The following MGAT4C variants were observed in gnomAD, a reference collection of about 807,000 sequenced individuals.
The protein encoded by MGAT4C is alpha-1,3-mannosyl-glycoprotein 4-beta-N-acetylglucosaminyltransferase C.
MGAT4C carries 19 observed loss-of-function variants against 40.1 expected under a neutral mutation model. That is an observed-to-expected ratio of 0.47 (90% CI 0.33 to 0.70). The LOEUF (loss-of-function observed/expected upper bound fraction) is 0.70. MGAT4C is among the 30% of genes least tolerant of loss of function. MGAT4C has a pLI of 0.02. For synonymous variants in MGAT4C, 181 were observed against 187.1 expected, an observed-to-expected ratio of 0.97 and a Z score of 0.27; for missense variants, 491 against 563.2, an observed-to-expected ratio of 0.87 and a Z score of 1.30.
chr12:86,438,142 A>G lies in MGAT4C; in HGVS notation c.-228-2877T>C, dbSNP rs141525619. ...TGAATGCACAGGAAAAGTTCTTAAA[A>G]GTGCTAGTCCAGTGAAAACATGAAT... On this transcript the variant is annotated intron_variant, in intron 2 of 7. Transcript: ENST00000548651. Among the ~76,000 whole-genome samples, 34 of 152,134 alleles carry G rather than the reference A, an allele frequency of 2.2e-4. No homozygotes were observed. The East Asian group carries it at 6.4e-3, about 28-fold the overall frequency.
chr12:86,571,687 G>A (rs1469050185), intron 2 of MGAT4C, among the ~76,000 whole-genome samples: 1 of 152,040 alleles, frequency 6.6e-6, no homozygotes, highest in Non-Finnish European at 1.5e-5. Flanking sequence ...TAGATTATAA[G>A]CTTTAATCCT....
chr12:86,257,752 T>C (rs1430034327), upstream of MGAT4C, among the ~76,000 whole-genome samples: 1 of 152,192 alleles, frequency 6.6e-6, no homozygotes, highest in Non-Finnish European at 1.5e-5. Flanking sequence ...ACTTTTATGA[T>C]AGTCAGTTTA....
At chr12:86,658,736 G>A (rs1593087164) in intron 2 of MGAT4C, among the ~76,000 whole-genome samples, 1 of 152,078 alleles carries the variant, frequency 6.6e-6, no homozygotes, top group East Asian at 1.9e-4. Context: ...GTGTTAAATT[G>A]TATTGTTGTT....
At chr12:86,230,584 A>G (rs1419511980) in intron 1 of MGAT4C, among the ~76,000 whole-genome samples, 1 of 152,190 alleles carries the variant, frequency 6.6e-6, no homozygotes, top group East Asian at 1.9e-4. Context: ...ATTATGAAGT[A>G]GAAAATCAGA....
chr12:86,108,257 T>C (rs896418659), intron 1 of MGAT4C, among the ~76,000 whole-genome samples: 1 of 152,132 alleles, frequency 6.6e-6, no homozygotes, highest in African/African-American at 2.4e-5. Context: ...CCCTCATTAA[T>C]GTTAAAATAG....
At chr12:86,072,173 C>T (rs1465811685) in intron 1 of MGAT4C, among the ~76,000 whole-genome samples, 5 of 151,870 alleles carry the variant, frequency 3.3e-5, no homozygotes, top group Non-Finnish European at 7.4e-5. Context: ...GAACGGAGGG[C>T]AAAAGGGTTA....
At position 86,509,063 on chromosome 12, in the gene MGAT4C, A is replaced by G. The variant is rs538680293; in HGVS notation, c.-228-73798T>C. ...TTGCTGTGCAGAAGCTCTTTAGTTT[A>G]ATTAGATCCCATTTGTCAATTTTGT... On this transcript the variant is annotated intron_variant, in intron 2 of 7. Coordinates refer to the MGAT4C transcript ENST00000548651. Among the ~76,000 whole-genome samples, 29 of 151,938 alleles carry G rather than the reference A, an allele frequency of 1.9e-4. 1 individual carries two copies. In the South Asian group the frequency reaches 5.4e-3, roughly 28 times the overall value.
intron 4 of MGAT4C, among the ~76,000 whole-genome samples, chr12:86,297,082 A>G (rs2136135367): frequency 6.6e-6 from 1 of 152,356 alleles, no homozygotes; most frequent in Admixed American, 6.5e-5. Context: ...AAATTTAAAT[A>G]TACAGTAAAA....
intron 3 of MGAT4C, among the ~76,000 whole-genome samples, chr12:86,381,397 C>G (rs1955925848): frequency 6.6e-6 from 1 of 152,088 alleles, no homozygotes; most frequent in Non-Finnish European, 1.5e-5. Context: ...AGTCTGAAAG[C>G]CTTACGACCC....
chr12:86,039,987 C>T (rs1891642536), intron 2 of MGAT4C, among the ~76,000 whole-genome samples: 1 of 152,184 alleles, frequency 6.6e-6, no homozygotes, highest in African/African-American at 2.4e-5. Flanking sequence ...CATCCTTCTG[C>T]TGCAGATCTG....
chr12:85,988,262 C>A (rs946214184), intron 3 of MGAT4C, among the ~76,000 whole-genome samples: 1 of 152,048 alleles, frequency 6.6e-6, no homozygotes, highest in African/African-American at 2.4e-5. Flanking sequence ...GATTCTGGTA[C>A]AATTTCAGCA....
chr12:86,636,474 T>C (rs923168132), intron 2 of MGAT4C, among the ~76,000 whole-genome samples: 2 of 152,060 alleles, frequency 1.3e-5, no homozygotes, highest in Non-Finnish European at 2.9e-5. Flanking sequence ...TTTGGGGATG[T>C]AGTTAGGATA....
intron 2 of MGAT4C, among the ~76,000 whole-genome samples, chr12:86,451,655 T>C (rs1216653140): frequency 6.6e-6 from 1 of 152,114 alleles, no homozygotes; most frequent in Non-Finnish European, 1.5e-5. Flanking sequence ...ATTTTCTCTT[T>C]CCAAAACACT....
chr12:86,051,209 G>A (rs568624257), intron 1 of MGAT4C, among the ~76,000 whole-genome samples: 2 of 152,110 alleles, frequency 1.3e-5, no homozygotes, highest in Admixed American at 1.3e-4. Flanking sequence ...CAATGTTCAC[G>A]ACCAGAACTC....
At chr12:86,288,829 A>C (rs1195341055) in intron 4 of MGAT4C, among the ~76,000 whole-genome samples, 1 of 152,070 alleles carries the variant, frequency 6.6e-6, no homozygotes, top group African/African-American at 2.4e-5. Context: ...TTGGACGCAC[A>C]GTTTGTAAAA....
intron 1 of MGAT4C, among the ~76,000 whole-genome samples, chr12:86,803,253 CA>C (rs1349514837): frequency 6.6e-6 from 1 of 150,868 alleles, no homozygotes; most frequent in Admixed American, 6.6e-5. Flanking sequence ...ACACCTTATA[CA>C]AAAATCAATT....
chr12:86,595,971 T>TC lies in MGAT4C; in HGVS notation c.-229+131237dup, dbSNP rs1292396150. 1.3e-5 allele frequency among the ~76,000 whole-genome samples: 2 copies of TC among 151,960 alleles called. 1 individual carries two copies. The highest frequency in any genetic ancestry group is 4.8e-5 in the African/African-American group (2 of 41,376). ...CAGTTAAATGACTCTTCCCACCCCG[T>TC]CCCCCCTTGAAAGGGTCCCTTATCA... is the stretch of plus-strand genomic sequence containing the variant. On this transcript the variant is annotated intron_variant, in intron 2 of 7. Coordinates refer to the MGAT4C transcript ENST00000548651.
chr12:86,408,514 T>TATATATATATA (rs1956533603), intron 3 of MGAT4C, among the ~76,000 whole-genome samples: 24 of 138,678 alleles, frequency 1.7e-4, no homozygotes, highest in African/African-American at 5.3e-4. Flanking sequence ...TATATATATA[T>TATATATATATA]TCTTGCATAT....
chr12:86,255,862 G>A (rs1952494401), intron 1 of MGAT4C, among the ~76,000 whole-genome samples: 1 of 152,010 alleles, frequency 6.6e-6, no homozygotes, highest in South Asian at 2.1e-4. Context: ...ACACTACTTG[G>A]TTGACCATTT....
Sources: allele counts gnomAD v4.1 joint callset (sites outside exome capture counted in the v4.1 genomes callset), GRCh38; gene constraint gnomAD v4.1.1; transcripts MANE v1.5; gene names NCBI Gene and HGNC (gene_info 2026-07-23, HGNC 2026-07-21).